Variants in ARHGAP18 observed in about 807,000 individuals in gnomAD.
ARHGAP18 encodes the protein rho GTPase-activating protein 18.
Under a neutral mutation model 86.2 loss-of-function variants are expected in ARHGAP18, and 67 were observed. The ratio of observed to expected loss-of-function variants is 0.78; its 90% CI spans 0.64 to 0.95. The LOEUF is 0.95. Among genes scored for constraint, ARHGAP18 ranks in the 40% least tolerant of loss-of-function variants. ARHGAP18 has a pLI of 0.00. For missense variants in ARHGAP18, 691 were observed against 780.4 expected (o/e 0.89, Z 1.37); for synonymous variants, 283 against 280.4 (o/e 1.01, Z -0.09).
intron 1 of ARHGAP18, among the ~76,000 whole-genome samples, chr6:129,677,687 A>G (rs1234033818): frequency 6.6e-6 from 1 of 152,218 alleles, no homozygotes; most frequent in Non-Finnish European, 1.5e-5. Flanking sequence ...TAAAATAACA[A>G]TGGCTACACT....
At chr6:129,709,569 G>A (rs1774865243) in intron 1 of ARHGAP18, among the ~76,000 whole-genome samples, 1 of 151,972 alleles carries the variant, frequency 6.6e-6, no homozygotes, top group Admixed American at 6.5e-5. Flanking sequence ...CAAAGAGAGG[G>A]GGGAAAAAAA....
Position 129,606,190 on chromosome 6 carries a change from T to C in ARHGAP18, c.1283-231A>G, listed in dbSNP as rs182834574. 7.9e-5 allele frequency among the ~76,000 whole-genome samples: 12 copies of C among 152,314 alleles called. No individual in the cohort carries two copies. The East Asian group carries it at 1.7e-3, about 22-fold the overall frequency. On this transcript the variant is annotated intron_variant, in intron 9 of 14. Coordinates refer to ENST00000368149, the MANE Select transcript of ARHGAP18 (RefSeq NM_033515.3). ...GAATGCTCACTTCCAACTGTGATCA[T>C]ATGACGTGCGGCCTTATGTTTGCAG...
intron 3 of ARHGAP18, among the ~76,000 whole-genome samples, chr6:129,637,958 G>C (rs928637866): frequency 2.0e-5 from 3 of 152,164 alleles, no homozygotes; most frequent in Admixed American, 6.5e-5. Flanking sequence ...GCTGCAATTA[G>C]CTCCCTCACA....
At chr6:129,586,764 C>A (rs900623937) in intron 12 of ARHGAP18, among the ~76,000 whole-genome samples, 2 of 152,168 alleles carry the variant, frequency 1.3e-5, no homozygotes, top group Non-Finnish European at 2.9e-5. Flanking sequence ...CAGCTCCTGG[C>A]CTTTTCCCCC....
At chr6:129,666,947 A>AT (rs1224112762) in intron 1 of ARHGAP18, among the ~76,000 whole-genome samples, 4 of 152,128 alleles carry the variant, frequency 2.6e-5, no homozygotes, top group African/African-American at 9.7e-5. Flanking sequence ...TGAAGCATAG[A>AT]TTTTTTATAC....
chr6:129,626,435 C>G (rs975235550), intron 5 of ARHGAP18, among the ~76,000 whole-genome samples: 4 of 151,980 alleles, frequency 2.6e-5, no homozygotes, highest in Admixed American at 2.6e-4. Context: ...TTTTAATACA[C>G]TTTGTTTTTC....
chr6:129,616,350 A>C (rs759790113), intron 6 of ARHGAP18, 47 bp from the exon 7 acceptor site: 1 of 1,417,110 alleles, frequency 7.1e-7, no homozygotes, highest in South Asian at 1.3e-5. Context: ...AATCTATAAA[A>C]TATTAATATA....
chr6:129,688,996 G>C (rs11968342), intron 1 of ARHGAP18, among the ~76,000 whole-genome samples: 13,857 of 152,080 alleles, frequency 0.091, 684 homozygotes, highest in Admixed American at 0.13. Context: ...GAGCCAACAA[G>C]AGGCAAATTC....
At chr6:129,598,622 G>A (rs1562682950) in intron 12 of ARHGAP18, among the ~76,000 whole-genome samples, 1 of 152,096 alleles carries the variant, frequency 6.6e-6, no homozygotes, top group Admixed American at 6.6e-5. Flanking sequence ...TCTTACAGTA[G>A]TTTATAAATA....
chr6:129,685,160 C>T (rs909986023), intron 1 of ARHGAP18, among the ~76,000 whole-genome samples: 2 of 152,086 alleles, frequency 1.3e-5, no homozygotes, highest in African/African-American at 4.8e-5. Flanking sequence ...TTTTGGGCCT[C>T]GGTTTCCCCA....
intron 1 of ARHGAP18, among the ~76,000 whole-genome samples, chr6:129,645,638 TATA>T (rs1297284359): frequency 3.3e-5 from 5 of 152,198 alleles, no homozygotes; most frequent in Non-Finnish European, 7.3e-5. Flanking sequence ...CTTTTACAAG[TATA>T]ATGACAGAAC....
At chr6:129,656,089 A>T (rs1448730315) in intron 1 of ARHGAP18, among the ~76,000 whole-genome samples, 1 of 152,250 alleles carries the variant, frequency 6.6e-6, no homozygotes, top group Admixed American at 6.5e-5. Flanking sequence ...TGTGATTCAC[A>T]CATTCATTCA....
intron 3 of ARHGAP18, among the ~76,000 whole-genome samples, chr6:129,637,478 G>A (rs1015972507): frequency 6.6e-6 from 1 of 152,144 alleles, no homozygotes; most frequent in Non-Finnish European, 1.5e-5. Flanking sequence ...TTTGTGTGCT[G>A]TCACTGTGCT....
rs1457558183 is a variant in ARHGAP18, at chr6:129,580,223, G to C, written c.1839-92C>G. The stretch of plus-strand genomic sequence containing the variant: ...TGCTTGGGGAATTCTGGCTGGTATG[G>C]AAAATTCATAACTTAGACACACTGT... On this transcript the variant is annotated intron_variant, in intron 13 of 14. Transcript: ENST00000368149. The C allele has an allele frequency of 3.5e-6, 4 of 1,134,258 alleles. No homozygotes were observed. The African/African-American group carries it at 6.2e-5, about 18-fold the overall frequency. 70.3% of individuals were successfully genotyped at this position (1,134,258 alleles called of 1,614,324 possible). A position where few individuals can be genotyped will look rare whatever the true frequency, so the allele number is the denominator to read the frequency against.
At chr6:129,695,586 A>G (rs572308455) in intron 1 of ARHGAP18, among the ~76,000 whole-genome samples, 1 of 152,258 alleles carries the variant, frequency 6.6e-6, no homozygotes, top group African/African-American at 2.4e-5. Flanking sequence ...TGCAAAATGG[A>G]GATGACACAA....
chr6:129,692,473 T>C (rs1194328087), intron 1 of ARHGAP18, among the ~76,000 whole-genome samples: 1 of 152,154 alleles, frequency 6.6e-6, no homozygotes, highest in African/African-American at 2.4e-5. Context: ...TGATATCATG[T>C]CAAGGTGGTT....
chr6:129,672,756 T>C (rs1774162388), intron 1 of ARHGAP18, among the ~76,000 whole-genome samples: 1 of 152,250 alleles, frequency 6.6e-6, no homozygotes, highest in African/African-American at 2.4e-5. Flanking sequence ...TCATGCTCTA[T>C]GGCTAAGAAG....
intron 1 of ARHGAP18, among the ~76,000 whole-genome samples, chr6:129,706,176 G>C (rs1054621798): frequency 5.3e-5 from 8 of 152,198 alleles, no homozygotes; most frequent in Non-Finnish European, 1.2e-4. Context: ...AAATGGGAAG[G>C]TAAGAGAGAA....
At chr6:129,662,886 A>G (rs1308194060) in intron 1 of ARHGAP18, among the ~76,000 whole-genome samples, 1 of 152,224 alleles carries the variant, frequency 6.6e-6, no homozygotes, top group Non-Finnish European at 1.5e-5. Flanking sequence ...CCAGAAAAAG[A>G]GAATTATCAT....
Sources: gnomAD v4.1 joint callset for allele counts (sites outside exome capture counted in the v4.1 genomes callset) on GRCh38, gnomAD v4.1.1 for gene constraint, MANE v1.5 for transcripts, NCBI Gene and HGNC (gene_info 2026-07-23, HGNC 2026-07-21) for gene names.